RASGRF2: variants seen among roughly 807,000 people sequenced by gnomAD.
RASGRF2 encodes the protein Ras protein specific guanine nucleotide releasing factor 2.
Under a neutral mutation model 151.0 loss-of-function variants are expected in RASGRF2, and 76 were observed. That is an observed-to-expected ratio of 0.50 (90% CI 0.42 to 0.61). RASGRF2 has a LOEUF of 0.61. Ranked by LOEUF, RASGRF2 falls within the 20% of genes least tolerant of loss-of-function variation. The pLI is 0.00. For missense variants in RASGRF2, 1,148 were observed against 1,564.6 expected (o/e 0.73, Z 4.49); for synonymous variants, 504 against 566.5 (o/e 0.89, Z 1.57).
chr5:80,974,437 T>C (rs1748042534), intron 1 of RASGRF2, among the ~76,000 whole-genome samples: 4 of 152,180 alleles, frequency 2.6e-5, no homozygotes, highest in African/African-American at 7.2e-5. Flanking sequence ...CACCACTGGG[T>C]TTCAGCTTAG....
chr5:81,198,855 A>ACC (rs1755328308), intron 18 of RASGRF2, among the ~76,000 whole-genome samples: 1 of 152,228 alleles, frequency 6.6e-6, no homozygotes, highest in East Asian at 1.9e-4. Context: ...GCTATTATGA[A>ACC]TAATGCAGCA....
At chr5:81,060,512 A>G (rs1295965901) in intron 2 of RASGRF2, among the ~76,000 whole-genome samples, 1 of 152,108 alleles carries the variant, frequency 6.6e-6, no homozygotes, top group Admixed American at 6.5e-5. Flanking sequence ...ACCAGGTGAC[A>G]TATGATAGAT....
At chr5:81,199,971 C>T (rs980406976) in intron 18 of RASGRF2, among the ~76,000 whole-genome samples, 1 of 149,870 alleles carries the variant, frequency 6.7e-6, no homozygotes, top group African/African-American at 2.5e-5. Flanking sequence ...TGGAATTCTA[C>T]TATAAAGAAT....
At position 81,227,591 on chromosome 5, in the gene RASGRF2, A is replaced by G. The variant is rs1431443736; in HGVS notation, c.*1821A>G. On this transcript the variant is annotated 3_prime_UTR_variant, in exon 27 of 27. Coordinates refer to ENST00000265080, the MANE Select transcript of RASGRF2 (RefSeq NM_006909.3). ...CCTAACAACGCATAACTTGTGATTT[A>G]TTTCTCAGTGCTCCAGAAACTGAGG... The G allele has an allele frequency of 6.6e-6, 1 of 152,186 alleles. No individual in the cohort carries two copies. Among genetic ancestry groups the G allele is most frequent in the Admixed American group, 6.5e-5 (1 of 15,278 alleles). The allele number at this position is 152,186 out of a possible 1,614,324, so 9.4% of individuals were successfully genotyped here.
rs1181771823 is a variant in RASGRF2 at position 81,067,973 on chromosome 5, A to G, written c.396-59A>G. Reference sequence around the variant, plus strand: ...TCAAATGTAGCATATTATATTCTATATGGAACTCTATATAGTAGAACAATA... The same window carrying G: ...TCAAATGTAGCATATTATATTCTATGTGGAACTCTATATAGTAGAACAATA... On this transcript the variant is annotated intron_variant, in intron 2 of 26. Transcript: ENST00000265080. The G allele has an allele frequency of 1.0e-5, 14 of 1,384,674 alleles. No homozygotes were observed. The East Asian group carries it at 1.4e-4, about 14-fold the overall frequency. The allele number at this position is 1,384,674 out of a possible 1,614,324, so 85.8% of individuals were successfully genotyped here. A position where few individuals can be genotyped will look rare whatever the true frequency, so the allele number is the denominator to read the frequency against.
intron 1 of RASGRF2, among the ~76,000 whole-genome samples, chr5:80,979,076 G>A (rs972296748): frequency 5.9e-5 from 9 of 152,036 alleles, no homozygotes; most frequent in African/African-American, 2.2e-4. Context: ...TTGCAGGGTC[G>A]GTGGAGCACA....
chr5:81,014,965 G>T (rs1749581933), intron 1 of RASGRF2, among the ~76,000 whole-genome samples: 2 of 151,982 alleles, frequency 1.3e-5, no homozygotes, highest in East Asian at 3.9e-4. Flanking sequence ...TGTTGCCCAG[G>T]TTGGAGTGCA....
chr5:81,126,993 A>T, intron 16 of RASGRF2, 81 bp from the exon 17 acceptor site: 1 of 1,476,876 alleles, frequency 6.8e-7, no homozygotes, highest in Non-Finnish European at 9.4e-7. Flanking sequence ...CATCTGGTGC[A>T]GGAAGAAAAA....
At chr5:81,194,493 T>C (rs755099850) in intron 18 of RASGRF2, among the ~76,000 whole-genome samples, 2 of 152,144 alleles carry the variant, frequency 1.3e-5, no homozygotes, top group Non-Finnish European at 1.5e-5. Context: ...TAATTATTTA[T>C]GAACATGTTG....
In RASGRF2 at chr5:81,063,816, T is replaced by A. The variant is rs1052969493; in HGVS notation, c.396-4216T>A. On this transcript the variant is annotated intron_variant, in intron 2 of 26. Transcript: ENST00000265080. ...TCTTTTTTTTCCAAGAACGCTTTTT[T>A]AAAAAAATCTGATTACTCCTTTTCC... Among the ~76,000 whole-genome samples, 33 of 152,298 alleles carry A rather than the reference T, an allele frequency of 2.2e-4. 1 individual carries two copies. Among genetic ancestry groups the A allele is most frequent in the African/African-American group, 5.3e-4 (22 of 41,570 alleles).
intron 1 of RASGRF2, among the ~76,000 whole-genome samples, chr5:81,012,271 C>T (rs556946739): frequency 6.6e-6 from 1 of 152,198 alleles, no homozygotes; most frequent in East Asian, 1.9e-4. Context: ...CAGAGCTCTC[C>T]ATGATAAAGT....
chr5:81,155,561 T>A (rs1311410905), intron 17 of RASGRF2, among the ~76,000 whole-genome samples: 1 of 152,122 alleles, frequency 6.6e-6, no homozygotes, highest in Non-Finnish European at 1.5e-5. Flanking sequence ...AAGGAAATAT[T>A]ATGAACAACT....
At chr5:81,090,240 C>T (rs750656619) in intron 9 of RASGRF2, among the ~76,000 whole-genome samples, 7 of 152,234 alleles carry the variant, frequency 4.6e-5, no homozygotes, top group South Asian at 2.1e-4. Flanking sequence ...TTTTTCATTA[C>T]TCAGTAGAAT....
intron 12 of RASGRF2, among the ~76,000 whole-genome samples, chr5:81,104,814 G>A (rs1279285678): frequency 1.3e-5 from 2 of 152,156 alleles, no homozygotes; most frequent in African/African-American, 2.4e-5. Flanking sequence ...GATGAAGGGT[G>A]GAGGAGGGGA....
chr5:81,031,824 A>T (rs531072302), intron 1 of RASGRF2, among the ~76,000 whole-genome samples: 1 of 152,222 alleles, frequency 6.6e-6, no homozygotes, highest in Non-Finnish European at 1.5e-5. Flanking sequence ...GGAGATAGAG[A>T]CATAAAATAC....
At chr5:81,188,099 C>T (rs193093680) in intron 18 of RASGRF2, among the ~76,000 whole-genome samples, 6 of 152,318 alleles carry the variant, frequency 3.9e-5, no homozygotes, top group South Asian at 2.1e-4. Context: ...GCTGTCACCT[C>T]TCCTGACGGC....
chr5:81,161,622 T>C (rs528831359), intron 17 of RASGRF2, among the ~76,000 whole-genome samples: 17 of 152,302 alleles, frequency 1.1e-4, no homozygotes, highest in South Asian at 4.1e-4. Flanking sequence ...CTACCAGTCA[T>C]AGAGTTTGTA....
At position 80,994,223 on chromosome 5, in the gene RASGRF2, A is replaced by G. The variant is rs572979913; in HGVS notation, c.288+33197A>G. On this transcript the variant is annotated intron_variant, in intron 1 of 26. Coordinates refer to ENST00000265080, the MANE Select transcript of RASGRF2 (RefSeq NM_006909.3). ...TAATAAAAATACAAAAAAATTAGCC[A>G]GGCGTGGTGGTAGGCGCCTGTAGTC... 3.9e-3 allele frequency among the ~76,000 whole-genome samples: 600 copies of G among 151,946 alleles called. 5 individuals carry two copies. The highest frequency in any genetic ancestry group is 0.027 in the Middle Eastern group (8 of 294).
At chr5:81,016,000 A>G (rs1407628115) in intron 1 of RASGRF2, among the ~76,000 whole-genome samples, 1 of 152,232 alleles carries the variant, frequency 6.6e-6, no homozygotes, top group Non-Finnish European at 1.5e-5. Context: ...AGACTTAGTC[A>G]TCACACTGTA....
Sources: gnomAD v4.1 joint callset for allele counts (sites outside exome capture counted in the v4.1 genomes callset) on GRCh38, gnomAD v4.1.1 for gene constraint, MANE v1.5 for transcripts, NCBI Gene and HGNC (gene_info 2026-07-23, HGNC 2026-07-21) for gene names.